The following CECR2 variants were observed in gnomAD, a reference collection of about 807,000 sequenced individuals.
The protein encoded by CECR2 is CECR2 histone acetyl-lysine reader, also known as chromatin remodeling regulator CECR2.
In CECR2, 30 loss-of-function variants were observed where a neutral mutation model predicts 154.5. The ratio of observed to expected loss-of-function variants is 0.19; its 90% CI spans 0.15 to 0.26. The LOEUF (loss-of-function observed/expected upper bound fraction) is 0.26. CECR2 is among the 10% of genes least tolerant of loss of function. The probability of loss-of-function intolerance (pLI) is 1.00; values close to 1 mark genes in which losing one functional copy is unlikely to be tolerated. For synonymous variants in CECR2, 725 were observed against 683.7 expected (o/e 1.06, Z -0.94); for missense variants, 1,743 against 1,829.3 (o/e 0.95, Z 0.86).
At chr22:17,524,630 A>T in intron 9 of CECR2, among the ~76,000 whole-genome samples, 1 of 131,744 alleles carries the variant, frequency 7.6e-6, no homozygotes, top group Non-Finnish European at 1.6e-5. Flanking sequence ...TTGACCTCGT[A>T]ATCTGCCCGC....
intron 1 of CECR2, among the ~76,000 whole-genome samples, chr22:17,392,839 A>T (rs1240066201): frequency 1.3e-5 from 2 of 152,032 alleles, no homozygotes; most frequent in African/African-American, 4.8e-5. Flanking sequence ...CAGGAGTTCA[A>T]GACCAGCCTG....
Position 17,418,336 on chromosome 22 carries a change from C to T in CECR2, c.126+48427C>T, listed in dbSNP as rs2054185645. Among the ~76,000 whole-genome samples, 3 of 152,274 alleles carry T rather than the reference C, an allele frequency of 2.0e-5. No individual in the cohort carries two copies. In the South Asian group the frequency reaches 6.2e-4, roughly 32 times the overall value. On this transcript the variant is annotated intron_variant, in intron 1 of 18. Coordinates refer to ENST00000262608, the MANE Select transcript of CECR2 (RefSeq NM_001290047.2). Reference sequence around the variant, plus strand: ...TTATCTAGTCCCAGTAATTGTGCATCCTCAAGCCTATGTGTTACTGCACTG... The same window carrying T: ...TTATCTAGTCCCAGTAATTGTGCATTCTCAAGCCTATGTGTTACTGCACTG...
chr22:17,414,102 A>G (rs1035596436), intron 1 of CECR2, among the ~76,000 whole-genome samples: 6 of 151,900 alleles, frequency 3.9e-5, no homozygotes, highest in Admixed American at 2.0e-4. Flanking sequence ...CCTTCTGAGT[A>G]GCTGGGACTA....
At chr22:17,494,832 C>T (rs999754590) in intron 2 of CECR2, among the ~76,000 whole-genome samples, 4 of 151,806 alleles carry the variant, frequency 2.6e-5, no homozygotes, top group Non-Finnish European at 5.9e-5. Context: ...GTAGCTGGGA[C>T]TACAGGCACA....
intron 1 of CECR2, among the ~76,000 whole-genome samples, chr22:17,447,210 G>GT (rs1412352739): frequency 6.8e-5 from 10 of 147,112 alleles, no homozygotes; most frequent in Non-Finnish European, 1.3e-4. Context: ...AATTTTTTGT[G>GT]TTTTTTAGTA....
chr22:17,526,323 A>G (rs1003892583), intron 9 of CECR2, among the ~76,000 whole-genome samples: 9 of 152,208 alleles, frequency 5.9e-5, no homozygotes, highest in African/African-American at 2.2e-4. Context: ...CAAATGGAAC[A>G]GAATAGAGAA....
upstream of CECR2, chr22:17,369,280 G>C (rs1447620729): frequency 2.6e-5 from 4 of 151,118 alleles, no homozygotes; most frequent in Admixed American, 1.3e-4. Context: ...CGCCCCCTGG[G>C]TCCTGCGGAT....
intron 1 of CECR2, among the ~76,000 whole-genome samples, chr22:17,380,727 T>C (rs1398456985): frequency 1.3e-5 from 2 of 152,216 alleles, no homozygotes; most frequent in South Asian, 2.1e-4. Flanking sequence ...ACGTTTTCAA[T>C]GTTGAACTTT....
chr22:17,505,760 A>G (rs1263336915), intron 7 of CECR2, among the ~76,000 whole-genome samples: 1 of 145,008 alleles, frequency 6.9e-6, no homozygotes, highest in Non-Finnish European at 1.5e-5. Flanking sequence ...CTGGTCTAGA[A>G]CTCCTGACCT....
intron 14 of CECR2, among the ~76,000 whole-genome samples, chr22:17,541,231 C>T (rs1458132440): frequency 1.3e-5 from 2 of 152,096 alleles, no homozygotes; most frequent in Non-Finnish European, 2.9e-5. Context: ...CTGAGGTGGG[C>T]GATCACGAGG....
At chr22:17,504,707 C>G in intron 6 of CECR2, 140 bp from the exon 7 acceptor site, 1 of 626,238 alleles carries the variant, frequency 1.6e-6, no homozygotes, top group Non-Finnish European at 2.7e-6. Flanking sequence ...TCCCAAAGTG[C>G]TGGGATTACA....
Position 17,494,468 on chromosome 22 carries a change from T to C in CECR2, c.222-2935T>C, listed in dbSNP as rs550145924. ...GGGTTGGTAGCAACTTCACAGACAA[T>C]GGAGAGGCAGCCAGTCCAAACCCTG... On this transcript the variant is annotated intron_variant, in intron 2 of 18. Coordinates refer to ENST00000262608, the MANE Select transcript of CECR2 (RefSeq NM_001290047.2). Among the ~76,000 whole-genome samples, 10 of 152,314 alleles carry C rather than the reference T, an allele frequency of 6.6e-5. 1 individual carries two copies. The South Asian group carries it at 2.1e-3, about 32-fold the overall frequency.
chr22:17,434,693 A>G (rs1245076236), intron 1 of CECR2, among the ~76,000 whole-genome samples: 1 of 136,302 alleles, frequency 7.3e-6, no homozygotes, highest in African/African-American at 2.8e-5. Context: ...GTCTTGTTTT[A>G]TGTTCTGTTT....
intron 1 of CECR2, among the ~76,000 whole-genome samples, chr22:17,426,514 G>A (rs937994921): frequency 6.6e-6 from 1 of 152,102 alleles, no homozygotes; most frequent in Non-Finnish European, 1.5e-5. Context: ...GCACCACCAC[G>A]CCCAGCTAAT....
At chr22:17,414,732 T>A (rs1452631889) in intron 1 of CECR2, among the ~76,000 whole-genome samples, 1 of 151,876 alleles carries the variant, frequency 6.6e-6, no homozygotes, top group Non-Finnish European at 1.5e-5. Flanking sequence ...TTCTCATTGT[T>A]CATTTCCCAC....
Position 17,466,968 on chromosome 22 carries a change from C to T in CECR2, c.127-10620C>T, listed in dbSNP as rs993250256. Among the ~76,000 whole-genome samples, 6 of 152,260 alleles carry T rather than the reference C, an allele frequency of 3.9e-5. No individual in the cohort carries two copies. The East Asian group carries it at 9.6e-4, about 24-fold the overall frequency. Reference sequence around the variant, plus strand: ...CCGTATGTGCTTTTGCATGGCTATGCTGCAGTAACAAGCAGTCCTAGAAGC... The same window carrying T: ...CCGTATGTGCTTTTGCATGGCTATGTTGCAGTAACAAGCAGTCCTAGAAGC... On this transcript the variant is annotated intron_variant, in intron 1 of 18. Coordinates refer to ENST00000262608, the MANE Select transcript of CECR2 (RefSeq NM_001290047.2).
intron 7 of CECR2, among the ~76,000 whole-genome samples, chr22:17,510,953 G>A (rs139170603): frequency 2.2e-4 from 33 of 152,264 alleles, no homozygotes; most frequent in African/African-American, 7.2e-4. Context: ...ATGTACCCCC[G>A]TGGCTTTGCG....
At chr22:17,442,737 C>T (rs949169536) in intron 1 of CECR2, among the ~76,000 whole-genome samples, 1 of 151,974 alleles carries the variant, frequency 6.6e-6, no homozygotes, top group Non-Finnish European at 1.5e-5. Flanking sequence ...TTAGTAGAGA[C>T]GGGGTTTCAC....
At chr22:17,383,159 A>G (rs973027364) in intron 1 of CECR2, among the ~76,000 whole-genome samples, 2 of 152,146 alleles carry the variant, frequency 1.3e-5, no homozygotes, top group Admixed American at 6.5e-5. Context: ...CGGGAGGCGG[A>G]GTTTGCAGTG....
Sources: gnomAD v4.1 joint callset for allele counts (sites outside exome capture counted in the v4.1 genomes callset) on GRCh38, gnomAD v4.1.1 for gene constraint, MANE v1.5 for transcripts, NCBI Gene and HGNC (gene_info 2026-07-23, HGNC 2026-07-21) for gene names.